CNOT6: variants seen among roughly 807,000 people sequenced by gnomAD.
CNOT6 encodes CCR4-NOT transcription complex subunit 6, also known as carbon catabolite repression 4 protein.
In CNOT6, 12 loss-of-function variants were observed where a neutral mutation model predicts 61.2. The ratio of observed to expected loss-of-function variants is 0.20; its 90% CI spans 0.13 to 0.32. The LOEUF (loss-of-function observed/expected upper bound fraction) is 0.32. Ranked by LOEUF, CNOT6 falls within the 10% of genes least tolerant of loss-of-function variation. The pLI is 1.00. For synonymous variants in CNOT6, 225 were observed against 240.6 expected (o/e 0.94, Z 0.60); for missense variants, 405 against 663.9 (o/e 0.61, Z 4.28).
rs748467978 is a variant in CNOT6, at chr5:180,550,121, T to C, written c.299+4T>C. 16 of 1,612,630 alleles carry C rather than the reference T, an allele frequency of 9.9e-6. No individual in the cohort carries two copies. The highest frequency in any genetic ancestry group is 1.2e-5 in the Non-Finnish European group (14 of 1,178,850). On this transcript the variant is annotated splice_donor_region_variant and intron_variant, in intron 3 of 11. Coordinates refer to ENST00000261951, the MANE Select transcript of CNOT6 (RefSeq NM_001370472.1). The stretch of plus-strand genomic sequence containing the variant: ...TCGGAAACATGGTATCACTCAGGTA[T>C]GCAGATTCAACTTAATACATACTAG...
chr5:180,566,640 CTTTTTTTTTTTTTTTT>C (rs70973940), intron 7 of CNOT6, among the ~76,000 whole-genome samples: 1 of 75,592 alleles, frequency 1.3e-5, no homozygotes, highest in African/African-American at 5.2e-5. Flanking sequence ...AAAGATGTTA[CTTTTTTTTTTTTTTTT>C]TTTTTTTTTT....
chr5:180,517,177 G>T (rs146505345), intron 1 of CNOT6, among the ~76,000 whole-genome samples: 1 of 151,986 alleles, frequency 6.6e-6, no homozygotes, highest in African/African-American at 2.4e-5. Context: ...CACTCCTTTC[G>T]CTCAGGCTGG....
intron 1 of CNOT6, among the ~76,000 whole-genome samples, chr5:180,522,993 G>A (rs1757944116): frequency 6.6e-6 from 1 of 152,204 alleles, no homozygotes; most frequent in South Asian, 2.1e-4. Context: ...CATCAGAAGT[G>A]TGGGTGATGA....
rs1401160119 is a variant in CNOT6, at chr5:180,577,197, T to TGTGTGTG, written c.*2997_*2998insGTGTGTG. 1.9e-4 allele frequency: 8 copies of TGTGTGTG among 41,854 alleles called. No individual in the cohort carries two copies. In the Admixed American group the frequency reaches 2.1e-3, roughly 11 times the overall value. The allele number at this position is 41,854 out of a possible 1,614,324, so 2.6% of individuals were successfully genotyped here. On this transcript the variant is annotated 3_prime_UTR_variant, in exon 12 of 12. Coordinates refer to ENST00000261951, the MANE Select transcript of CNOT6 (RefSeq NM_001370472.1). ...TGTGTGTGTGTGTGTGTGTGTGTGT[T>TGTGTGTG]TAATATGATTTAGTGACAACCAGGA...
chr5:180,536,023 TCTCA>T (rs1191715619), intron 2 of CNOT6, among the ~76,000 whole-genome samples: 17 of 117,846 alleles, frequency 1.4e-4, no homozygotes, highest in African/African-American at 5.1e-4. Flanking sequence ...TTTTTGACAG[TCTCA>T]CTCTGTTGCC....
rs1367480661 is a variant in CNOT6, at chr5:180,574,343, G to C, written c.*143G>C. Reference sequence around the variant, plus strand: ...AATCTGATTATTTGATAAGGATATAGTATGAAAGCCAGGTGCTAGCAACAG... The same window carrying C: ...AATCTGATTATTTGATAAGGATATACTATGAAAGCCAGGTGCTAGCAACAG... On this transcript the variant is annotated 3_prime_UTR_variant, in exon 12 of 12. Transcript: ENST00000261951. 4.3e-6 allele frequency: 3 copies of C among 695,998 alleles called. No homozygotes were observed. Among genetic ancestry groups the C allele is most frequent in the Non-Finnish European group, 7.3e-6 (3 of 408,558 alleles). 43.1% of individuals were successfully genotyped at this position (695,998 alleles called of 1,614,324 possible).
chr5:180,507,042 T>C (rs1005457067), intron 1 of CNOT6, among the ~76,000 whole-genome samples: 11 of 152,074 alleles, frequency 7.2e-5, no homozygotes, highest in Non-Finnish European at 2.9e-5. Context: ...TTGGGAGGGA[T>C]ATGGAGGAAG....
At chr5:180,573,852 A>G in intron 11 of CNOT6, 136 bp from the exon 12 acceptor site, 1 of 654,070 alleles carries the variant, frequency 1.5e-6, no homozygotes, top group Non-Finnish European at 2.7e-6. Flanking sequence ...TGTAGTACAG[A>G]CCTCATCCTA....
chr5:180,542,545 G>A lies in CNOT6; in HGVS notation c.113-7386G>A, dbSNP rs1300316186. On this transcript the variant is annotated intron_variant, in intron 2 of 11. Coordinates refer to ENST00000261951, the MANE Select transcript of CNOT6 (RefSeq NM_001370472.1). The stretch of plus-strand genomic sequence containing the variant: ...CTACCACAGTGCTGGGATTACAGGC[G>A]TGAGCCACTGCACCCGGCCGCTTGT... Among the ~76,000 whole-genome samples, 4 of 152,192 alleles carry A rather than the reference G, an allele frequency of 2.6e-5. No individual in the cohort carries two copies. The South Asian group carries it at 6.2e-4, about 24-fold the overall frequency.
intron 1 of CNOT6, among the ~76,000 whole-genome samples, chr5:180,524,782 A>G (rs1266152367): frequency 1.3e-5 from 2 of 152,216 alleles, no homozygotes. Flanking sequence ...CTAATGATTA[A>G]TAGGACAAAA....
At chr5:180,529,073 G>T (rs1758227017) in intron 1 of CNOT6, among the ~76,000 whole-genome samples, 2 of 152,004 alleles carry the variant, frequency 1.3e-5, no homozygotes, top group African/African-American at 4.8e-5. Context: ...GCCCGGCATG[G>T]TGGTGCACGC....
chr5:180,503,426 G>C, intron 1 of CNOT6, among the ~76,000 whole-genome samples: 1 of 151,568 alleles, frequency 6.6e-6, no homozygotes, highest in South Asian at 2.1e-4. Flanking sequence ...ACCATGCCTG[G>C]CTAATTTTTT....
Position 180,553,810 on chromosome 5 carries a change from C to G in CNOT6, c.385+339C>G, listed in dbSNP as rs527550265. ...GATTCAAATCTCAAAAAACATGGAG[C>G]CTCTCATATAGTACAGAAAACAGGA... On this transcript the variant is annotated intron_variant, in intron 4 of 11. Transcript: ENST00000261951. Among the ~76,000 whole-genome samples the G allele has an allele frequency of 2.0e-5, 3 of 152,062 alleles. No individual in the cohort carries two copies. In the South Asian group the frequency reaches 6.2e-4, roughly 32 times the overall value.
intron 1 of CNOT6, among the ~76,000 whole-genome samples, chr5:180,507,891 T>C (rs1757200004): frequency 6.6e-6 from 1 of 152,130 alleles, no homozygotes; most frequent in African/African-American, 2.4e-5. Context: ...CTACACACTT[T>C]TAAACAACCA....
At chr5:180,497,055 C>T (rs1276651862) in intron 1 of CNOT6, among the ~76,000 whole-genome samples, 4 of 152,100 alleles carry the variant, frequency 2.6e-5, no homozygotes, top group East Asian at 3.9e-4. Context: ...ATGCCAGGCG[C>T]GGTGACTCAC....
chr5:180,526,144 T>TA (rs1758093199), intron 1 of CNOT6, among the ~76,000 whole-genome samples: 1 of 152,200 alleles, frequency 6.6e-6, no homozygotes, highest in African/African-American at 2.4e-5. Context: ...TGAAAACACT[T>TA]ACGAACTTGA....
intron 1 of CNOT6, among the ~76,000 whole-genome samples, chr5:180,508,492 A>G (rs2127699219): frequency 6.6e-6 from 1 of 152,084 alleles, no homozygotes; most frequent in Non-Finnish European, 1.5e-5. Flanking sequence ...TTGTATTTTT[A>G]TTAGAGACGG....
chr5:180,530,436 G>A (rs1489453977), intron 2 of CNOT6, among the ~76,000 whole-genome samples: 1 of 152,060 alleles, frequency 6.6e-6, no homozygotes, highest in Non-Finnish European at 1.5e-5. Flanking sequence ...AAGGATAATA[G>A]CATTCCTCCT....
chr5:180,565,961 A>G lies in CNOT6; in HGVS notation c.701A>G (p.Asp234Gly). The change falls in exon 7 of 12, where the codon GAT becomes GGT. Residue 234 changes from aspartate to glycine, a missense_variant. This residue lies in a region of CNOT6 where 212 missense variants were observed against 307.1 expected (regional missense o/e 0.69). Coordinates refer to ENST00000261951, the MANE Select transcript of CNOT6 (RefSeq NM_001370472.1). ...IIQEILSCNA[D>G]IVSLQEVETE... ...CAAGAAATCTTGAGCTGCAATGCTG[A>G]TATCGTAAGTCTTCAGGTAAGTCAG... 2 of 1,613,158 alleles carry G rather than the reference A, an allele frequency of 1.2e-6. No individual in the cohort carries two copies. The highest frequency in any genetic ancestry group is 1.3e-5 in the African/African-American group (1 of 74,992).
Sources: allele counts gnomAD v4.1 joint callset (sites outside exome capture counted in the v4.1 genomes callset), GRCh38; gene constraint gnomAD v4.1.1; regional missense constraint gnomAD v4.1.1; transcripts MANE v1.5; gene names NCBI Gene and HGNC (gene_info 2026-07-23, HGNC 2026-07-21).